The following C3 variants were observed in gnomAD, a reference collection of about 807,000 sequenced individuals.
The protein encoded by C3 is complement C3, also known as C3 and PZP-like alpha-2-macroglobulin domain-containing protein 1.
C3 carries 97 observed loss-of-function variants against 207.9 expected under a neutral mutation model. The observed-to-expected ratio is 0.47, with a 90% CI of 0.40 to 0.55. The LOEUF (loss-of-function observed/expected upper bound fraction) is 0.55, where lower values mean the gene tolerates loss of function less well. Among genes scored for constraint, C3 ranks in the 20% least tolerant of loss-of-function variants. C3 has a pLI of 0.00. For missense variants in C3, 1,684 were observed against 2,171.7 expected, an observed-to-expected ratio of 0.78 and a Z score of 4.46; for synonymous variants, 848 against 857.6, an observed-to-expected ratio of 0.99 and a Z score of 0.20.
At chr19:6,681,270 C>A (rs1174490580) in intron 35 of C3, among the ~76,000 whole-genome samples, 1 of 138,466 alleles carries the variant, frequency 7.2e-6, no homozygotes, top group African/African-American at 2.7e-5. Context: ...GTGGCATGCA[C>A]CTGTAATCAC....
intron 33 of C3, chr19:6,682,434 ACT>A: frequency 1.7e-6 from 1 of 574,186 alleles, no homozygotes. Context: ...AAGAGCTCAG[ACT>A]CTGCACCCAA....
intron 25 of C3, 76 bp from the exon 26 acceptor site, chr19:6,693,159 G>C: frequency 6.5e-7 from 1 of 1,545,238 alleles, no homozygotes; most frequent in Non-Finnish European, 8.9e-7. Flanking sequence ...AATGAGCGTG[G>C]GGGAGGGACC....
At chr19:6,698,909 C>T (rs1248906331) in intron 19 of C3, among the ~76,000 whole-genome samples, 3 of 152,034 alleles carry the variant, frequency 2.0e-5, no homozygotes, top group Non-Finnish European at 1.5e-5. Flanking sequence ...ATTCTCCTGC[C>T]TCAGCCTCCT....
Position 6,702,165 on chromosome 19 carries a change from G to A in C3, c.2402C>T (p.Thr801Met), listed in dbSNP as rs1238701482. 1.4e-5 allele frequency: 22 copies of A among 1,606,788 alleles called. No individual in the cohort carries two copies. The highest frequency in any genetic ancestry group is 1.7e-5 in the Non-Finnish European group (20 of 1,174,814). ...CATGCTCACAGCCAGAATCTCCCACGTGGTGATGGAGTCTTTCAAAAATAT... is the reference window on the plus strand; with the variant it reads ...CATGCTCACAGCCAGAATCTCCCACATGGTGATGGAGTCTTTCAAAAATAT... ...MNIFLKDSITTWEILAVSMSD... is the reference protein window; with the variant it reads ...MNIFLKDSITMWEILAVSMSD... The change falls in exon 19 of 41, where the codon ACG (threonine) becomes ATG (methionine). Residue 801 changes from threonine to methionine, a missense_variant. Physicochemically the swap from Thr to Met is moderately conservative, Grantham distance 81. Transcript: ENST00000245907.
chr19:6,704,712 T>C (rs1015236437), intron 17 of C3, among the ~76,000 whole-genome samples: 1 of 151,914 alleles, frequency 6.6e-6, no homozygotes, highest in African/African-American at 2.4e-5. Context: ...TGAGCCAAGA[T>C]TGCACCACTG....
At chr19:6,687,744 G>A (rs1918045781) in intron 27 of C3, among the ~76,000 whole-genome samples, 1 of 152,136 alleles carries the variant, frequency 6.6e-6, no homozygotes, top group African/African-American at 2.4e-5. Context: ...TGGGAGTAAG[G>A]CGTTTAGGAA....
Position 6,686,890 on chromosome 19 carries a change from T to C in C3, c.3502A>G (p.Ser1168Gly), listed in dbSNP as rs746343439. Residue 1168 changes from serine (S) to glycine (G), a missense_variant, in exon 28 of 41, where the codon AGC (serine) becomes GGC (glycine). This residue lies in a region of C3 where 1,280 missense variants were observed against 1,739.1 expected (regional missense o/e 0.74). Coordinates refer to ENST00000245907, the MANE Select transcript of C3 (RefSeq NM_000064.4). ...CEEQVNSLPG[S>G]ITKAGDFLEA... The stretch of plus-strand genomic sequence containing the variant: ...AGGAAGTCTCCTGCTTTAGTGATGC[T>C]GCCTGGCAGGCTCTATGAGAAAGAG... The C allele has an allele frequency of 2.7e-5, 43 of 1,614,088 alleles. No individual in the cohort carries two copies. The highest frequency in any genetic ancestry group is 3.1e-5 in the Non-Finnish European group (37 of 1,180,028).
intron 17 of C3, among the ~76,000 whole-genome samples, chr19:6,705,758 TAAAC>T (rs1967761464): frequency 6.6e-6 from 1 of 152,076 alleles, no homozygotes; most frequent in African/African-American, 2.4e-5. Flanking sequence ...CACTGCAACC[TAAAC>T]CTACCAGGTT....
intron 19 of C3, among the ~76,000 whole-genome samples, chr19:6,700,415 T>C (rs1309803895): frequency 7.3e-5 from 1 of 13,786 alleles, no homozygotes; most frequent in Non-Finnish European, 1.0e-4. Context: ...TGATATATTA[T>C]ATATGTAATA....
intron 19 of C3, among the ~76,000 whole-genome samples, chr19:6,698,193 A>AT (rs569269262): frequency 2.5e-3 from 378 of 151,668 alleles, no homozygotes; most frequent in Non-Finnish European, 4.7e-3. Context: ...ATTTTTGTAT[A>AT]TTTAGTAGAG....
Position 6,706,006 on chromosome 19 carries a change from T to C in C3, c.2245+1070A>G, listed in dbSNP as rs143794478. Among the ~76,000 whole-genome samples the C allele has an allele frequency of 2.0e-5, 3 of 152,342 alleles. No homozygotes were observed. The East Asian group carries it at 5.8e-4, about 29-fold the overall frequency. On this transcript the variant is annotated intron_variant, in intron 17 of 40. Coordinates refer to ENST00000245907, the MANE Select transcript of C3 (RefSeq NM_000064.4). ...TCTTATTATAAGATAAATTTCTCTT[T>C]GTTTCACTTAAGACTTATTTCACGT... is the stretch of plus-strand genomic sequence containing the variant.
chr19:6,686,071 G>A lies in C3; in HGVS notation c.3810+53C>T, dbSNP rs1917998513. On this transcript the variant is annotated intron_variant, in intron 29 of 40. Coordinates refer to ENST00000245907, the MANE Select transcript of C3 (RefSeq NM_000064.4). ...CAGTGTCTTCTCTAGGAGGCCAGTG[G>A]GAAGCCGCAGGAGACAGGGATGCAT... The A allele has an allele frequency of 3.1e-6, 5 of 1,590,144 alleles. No homozygotes were observed. The African/African-American group carries it at 5.4e-5, about 17-fold the overall frequency.
chr19:6,718,013 G>T, intron 4 of C3, 81 bp downstream of exon 4: 1 of 1,377,362 alleles, frequency 7.3e-7, no homozygotes, highest in Non-Finnish European at 1.0e-6. Flanking sequence ...CTTCCGGTGT[G>T]TCTTTCTCTG....
chr19:6,686,072 G>A (rs1917998604), intron 29 of C3, 52 bp downstream of exon 29: 2 of 1,592,092 alleles, frequency 1.3e-6, no homozygotes, highest in East Asian at 2.2e-5. Context: ...AGGCCAGTGG[G>A]AAGCCGCAGG....
At chr19:6,707,425 G>C (rs1351915051) in intron 16 of C3, 41 bp downstream of exon 16, 2 of 1,610,008 alleles carry the variant, frequency 1.2e-6, no homozygotes, top group South Asian at 2.2e-5. Context: ...GGTCTCCTGG[G>C]GTGGGGCTCG....
At position 6,677,957 on chromosome 19, in the gene C3, G is replaced by A. The variant is rs780269222; in HGVS notation, c.4917C>T (p.Asp1639=). ...EHWPEEDECQ[D]EENQKQCQDL... is the part of the protein sequence containing the mutation. ...CCTGGCATTGTTTCTGGTTCTCTTC[G>A]TCTTGGCATTCGTCCTCCTCGGGCC... Residue 1639 remains aspartate (D), a synonymous_variant, in exon 41 of 41, where the codon GAC becomes GAT. Coordinates refer to ENST00000245907, the MANE Select transcript of C3 (RefSeq NM_000064.4). 3 of 1,614,136 alleles carry A rather than the reference G, an allele frequency of 1.9e-6. No homozygotes were observed. The highest frequency in any genetic ancestry group is 2.5e-6 in the Non-Finnish European group (3 of 1,180,026).
At chr19:6,709,988 A>T (rs1312457162) in intron 13 of C3, 146 bp from the exon 14 acceptor site, 24 of 536,650 alleles carry the variant, frequency 4.5e-5, no homozygotes, top group Non-Finnish European at 3.3e-6. Flanking sequence ...GGAGAGAGAG[A>T]GAAAGGGAGA....
intron 35 of C3, among the ~76,000 whole-genome samples, chr19:6,681,564 C>G (rs1917860619): frequency 6.6e-6 from 1 of 151,478 alleles, no homozygotes; most frequent in South Asian, 2.1e-4. Flanking sequence ...AAGAAAACAA[C>G]AGAAGAGAGA....
Position 6,702,575 on chromosome 19 carries a change from G to A in C3, c.2250C>T (p.Asn750=). 1.2e-6 allele frequency: 2 copies of A among 1,608,750 alleles called. No homozygotes were observed. Among genetic ancestry groups the A allele is most frequent in the East Asian group, 2.2e-5 (1 of 44,862 alleles). The change falls in exon 18 of 41, where the codon AAC becomes AAT. Residue 750 remains asparagine, a synonymous_variant. Transcript: ENST00000245907. ...RASHLGLARS[N]LDEDIIAEEN... is the part of the protein sequence containing the mutation. The stretch of plus-strand genomic sequence containing the variant: ...CTTCTGCAATGATGTCCTCATCCAG[G>A]TTACCTGCAGGGGGTTTAGATCTGC...
Sources: gnomAD v4.1 joint callset for allele counts (sites outside exome capture counted in the v4.1 genomes callset) on GRCh38, gnomAD v4.1.1 for gene constraint, gnomAD v4.1.1 regional missense constraint, MANE v1.5 for transcripts, NCBI Gene and HGNC (gene_info 2026-07-23, HGNC 2026-07-21) for gene names.